The following CDH23 variants were observed in gnomAD, a reference collection of about 807,000 sequenced individuals.
The protein encoded by CDH23 is cadherin related 23.
CDH23 carries 189 observed loss-of-function variants against 317.1 expected under a neutral mutation model. The ratio of observed to expected loss-of-function variants is 0.60; its 90% confidence interval spans 0.53 to 0.67. The LOEUF is 0.67. Among genes scored for constraint, CDH23 ranks in the 30% least tolerant of loss-of-function variants. The pLI is 0.00. For synonymous variants in CDH23, 1,839 were observed against 1,876.8 expected, an observed-to-expected ratio of 0.98 and a Z score of 0.52; for missense variants, 4,401 against 4,592.4, an observed-to-expected ratio of 0.96 and a Z score of 1.20.
At chr10:71,517,756 G>A (rs746810352) in intron 6 of CDH23, among the ~76,000 whole-genome samples, 5 of 152,216 alleles carry the variant, frequency 3.3e-5, no homozygotes, top group Non-Finnish European at 7.3e-5. Context: ...CTGGGAGAGG[G>A]AGACCAATAA....
intron 11 of CDH23, among the ~76,000 whole-genome samples, chr10:71,639,735 T>A (rs1406376731): frequency 6.6e-6 from 1 of 152,150 alleles, no homozygotes; most frequent in Non-Finnish European, 1.5e-5. Context: ...GTGACGCCTG[T>A]GTCATAGCCG....
At chr10:71,630,922 A>G (rs1861981592) in intron 11 of CDH23, among the ~76,000 whole-genome samples, 1 of 152,192 alleles carries the variant, frequency 6.6e-6, no homozygotes, top group African/African-American at 2.4e-5. Context: ...GGCGGGAATG[A>G]AAGTGTTGCC....
At chr10:71,773,463 A>G (rs190144328) in intron 38 of CDH23, 44,447 of 1,574,388 alleles carry the variant, frequency 0.028, 837 homozygotes, top group Middle Eastern at 0.057. Context: ...GCGCAGAGGA[A>G]CTTCTGGTGC....
intron 38 of CDH23, among the ~76,000 whole-genome samples, chr10:71,745,508 A>AC (rs900823848): frequency 2.0e-5 from 3 of 151,104 alleles, no homozygotes; most frequent in African/African-American, 4.9e-5. Flanking sequence ...CCTTCTCAAG[A>AC]CCCCCCCTCT....
intron 49 of CDH23, 66 bp from the exon 50 acceptor site, chr10:71,798,288 A>C: frequency 7.9e-7 from 1 of 1,262,864 alleles, no homozygotes; most frequent in Non-Finnish European, 1.2e-6. Context: ...GGCTGAGGCT[A>C]AGGAAGGCCT....
intron 41 of CDH23, among the ~76,000 whole-genome samples, chr10:71,781,343 G>A (rs1317442866): frequency 6.6e-6 from 1 of 152,176 alleles, no homozygotes; most frequent in Non-Finnish European, 1.5e-5. Flanking sequence ...CTCCTCTCTG[G>A]CCAAGCACTA....
At chr10:71,588,338 G>T (rs2132436022) in intron 9 of CDH23, among the ~76,000 whole-genome samples, 1 of 152,188 alleles carries the variant, frequency 6.6e-6, no homozygotes, top group South Asian at 2.1e-4. Context: ...AGTCAGTCTG[G>T]GCTCAAATCT....
intron 3 of CDH23, among the ~76,000 whole-genome samples, chr10:71,454,754 A>C (rs1589332158): frequency 6.6e-6 from 1 of 152,196 alleles, no homozygotes; most frequent in African/African-American, 2.4e-5. Context: ...TCCATTTTCT[A>C]CCATCAGAGT....
At chr10:71,805,557 T>C (rs768239109) in intron 55 of CDH23, among the ~76,000 whole-genome samples, 1 of 152,100 alleles carries the variant, frequency 6.6e-6, no homozygotes, top group African/African-American at 2.4e-5. Context: ...GCTTGAAGCA[T>C]GTGGTTCTCA....
chr10:71,811,781 G>C, intron 65 of CDH23, 28 bp downstream of exon 65: 1 of 1,562,070 alleles, frequency 6.4e-7, no homozygotes. Context: ...TGGGGACACA[G>C]GTGAGAAGGC....
rs571250256 is a variant in CDH23, at chr10:71,573,290, G to C, written c.753+2372G>C. Among the ~76,000 whole-genome samples, 20 of 152,296 alleles carry C rather than the reference G, an allele frequency of 1.3e-4. No individual in the cohort carries two copies. In the South Asian group the frequency reaches 3.9e-3, roughly 30 times the overall value. On this transcript the variant is annotated intron_variant, in intron 8 of 69. Transcript: ENST00000224721. ...TGTGTTCTTGGTGTGAGTGTCCCCT[G>C]AGACCCCTAGGTTGTCTTTTTCTAG...
At chr10:71,661,662 G>A (rs1388191720) in intron 14 of CDH23, among the ~76,000 whole-genome samples, 3 of 151,826 alleles carry the variant, frequency 2.0e-5, no homozygotes, top group African/African-American at 4.8e-5. Context: ...AAATGTCAGG[G>A]GACTGGGAGT....
rs1171609426 is a variant in CDH23, at chr10:71,702,304, G to T, written c.2587+93G>T. On this transcript the variant is annotated intron_variant, in intron 23 of 69. Transcript: ENST00000224721. Reference sequence around the variant, plus strand: ...TCTGGGGTACCTGGGGCCCACCCAGGAGGTCTATGTCTGATCACCAAGAGT... The same window carrying T: ...TCTGGGGTACCTGGGGCCCACCCAGTAGGTCTATGTCTGATCACCAAGAGT... The T allele has an allele frequency of 5.0e-6, 7 of 1,390,886 alleles. No homozygotes were observed. In the African/African-American group the frequency reaches 9.9e-5, roughly 20 times the overall value. The allele number at this position is 1,390,886 out of a possible 1,614,324, so 86.2% of individuals were successfully genotyped here. A position where few individuals can be genotyped will look rare whatever the true frequency, so the allele number is the denominator to read the frequency against.
chr10:71,812,443 T>TACCAA, intron 66 of CDH23, 37 bp from the exon 67 acceptor site: 35 of 1,537,902 alleles, frequency 2.3e-5, no homozygotes, highest in East Asian at 9.4e-5. Context: ...ACTCGAGCCT[T>TACCAA]CCCTCCCTCC....
At chr10:71,442,332 C>T (rs1200141173) in intron 2 of CDH23, among the ~76,000 whole-genome samples, 1 of 152,184 alleles carries the variant, frequency 6.6e-6, no homozygotes, top group Non-Finnish European at 1.5e-5. Context: ...GTTCCTTTGG[C>T]CTAGTGGGGC....
At chr10:71,629,797 T>C (rs560551240) in intron 11 of CDH23, among the ~76,000 whole-genome samples, 73 of 151,994 alleles carry the variant, frequency 4.8e-4, no homozygotes, top group African/African-American at 1.6e-3. Flanking sequence ...GGGAAGCAGA[T>C]TAGTGGTTGC....
chr10:71,682,227 C>T (rs1271721308), intron 17 of CDH23, among the ~76,000 whole-genome samples: 3 of 152,220 alleles, frequency 2.0e-5, no homozygotes, highest in African/African-American at 4.8e-5. Flanking sequence ...GCTTACATTA[C>T]CACCAGCTAT....
chr10:71,490,026 G>T (rs1460997285), intron 3 of CDH23, among the ~76,000 whole-genome samples: 2 of 151,938 alleles, frequency 1.3e-5, no homozygotes, highest in East Asian at 3.9e-4. Context: ...TGCTTGAGGG[G>T]GGTGTTTCCT....
chr10:71,702,624 C>T lies in CDH23; in HGVS notation c.2663C>T (p.Pro888Leu). 6.2e-7 allele frequency: 1 copy of T among 1,614,016 alleles called. No individual in the cohort carries two copies. Residue 888 changes from proline (P) to leucine (L), a missense_variant, in exon 24 of 70, where the codon CCC becomes CTC. By Grantham distance (98) the Pro-to-Leu change is moderately conservative. Around this residue, in one of 3 missense-constraint regions of CDH23, gnomAD observed 3,068 missense variants for 3,203.3 expected, o/e 0.96. Transcript: ENST00000224721. ...CTCTTGGATCTCAATGACAATGACCCCACCTTTCAGAACCTGCCTTTTGTG... is the reference window on the plus strand; with the variant it reads ...CTCTTGGATCTCAATGACAATGACCTCACCTTTCAGAACCTGCCTTTTGTG... ...VNLLDLNDND[P>L]TFQNLPFVAE...
Sources: allele counts gnomAD v4.1 joint callset (sites outside exome capture counted in the v4.1 genomes callset), GRCh38; gene constraint gnomAD v4.1.1; regional missense constraint gnomAD v4.1.1; transcripts MANE v1.5; gene names NCBI Gene and HGNC (gene_info 2026-07-23, HGNC 2026-07-21).